Variants in BRIP1 observed in about 807,000 individuals in gnomAD.
BRIP1 encodes Fanconi anemia group J protein.
In BRIP1, 88 loss-of-function variants were observed where a neutral mutation model predicts 119.7. The observed-to-expected ratio is 0.74, with a 90% CI of 0.62 to 0.88. The LOEUF is 0.88. Ranked by LOEUF, BRIP1 falls within the 40% of genes least tolerant of loss-of-function variation. The pLI is 0.00. For missense variants in BRIP1, 1,259 were observed against 1,455.4 expected, an observed-to-expected ratio of 0.87 and a Z score of 2.20; for synonymous variants, 443 against 496.5, an observed-to-expected ratio of 0.89 and a Z score of 1.43.
At chr17:61,812,583 C>G (rs2078178968) in intron 6 of BRIP1, among the ~76,000 whole-genome samples, 3 of 151,314 alleles carry the variant, frequency 2.0e-5, no homozygotes, top group Admixed American at 1.3e-4. Context: ...ACCCAAGTAA[C>G]TGCAAAAATA....
In BRIP1 at chr17:61,760,301, A is replaced by G. The variant is rs568769036; in HGVS notation, c.2098-15710T>C. Among the ~76,000 whole-genome samples the G allele has an allele frequency of 1.5e-4, 23 of 152,142 alleles. No individual in the cohort carries two copies. In the East Asian group the frequency reaches 4.0e-3, roughly 27 times the overall value. ...AAAACTTAAGGGATGCAGCAAACGTAGTCCTAAGAGGAAAGTTTACAATAA... is the reference window on the plus strand; with the variant it reads ...AAAACTTAAGGGATGCAGCAAACGTGGTCCTAAGAGGAAAGTTTACAATAA... On this transcript the variant is annotated intron_variant, in intron 14 of 19. Coordinates refer to ENST00000259008, the MANE Select transcript of BRIP1 (RefSeq NM_032043.3). This position sits in a 1 kb window ranked among gnomAD's most constrained non-coding sequence, Gnocchi z 4.6.
rs927902616 is a variant in BRIP1 at position 61,774,236 on chromosome 17, C to T, written c.2097+2165G>A. Among the ~76,000 whole-genome samples the T allele has an allele frequency of 6.6e-6, 1 of 152,094 alleles. No individual in the cohort carries two copies. The highest frequency in any genetic ancestry group is 2.4e-5 in the African/African-American group (1 of 41,414). ...TTAAGAAAATGTGGCACATATACAC[C>T]ATAGAATACTATGCAGCCATAAAAA... On this transcript the variant is annotated intron_variant, in intron 14 of 19. Transcript: ENST00000259008. The surrounding 1 kb of genome is among the most constrained non-coding windows in gnomAD (Gnocchi z 5.8).
intron 6 of BRIP1, among the ~76,000 whole-genome samples, chr17:61,821,846 C>T (rs1014587358): frequency 1.3e-5 from 2 of 152,212 alleles, no homozygotes; most frequent in Non-Finnish European, 2.9e-5. Flanking sequence ...CCGTCTCAGC[C>T]TCCCAAGTAG....
Position 61,683,237 on chromosome 17 carries a change from AAC to A in BRIP1, c.*57_*58del. 11 of 1,521,862 alleles carry A rather than the reference AAC, an allele frequency of 7.2e-6. No homozygotes were observed. The highest frequency in any genetic ancestry group is 1.2e-5 in the South Asian group (1 of 84,288). 94.3% of individuals were successfully genotyped at this position (1,521,862 alleles called of 1,614,324 possible). A position where few individuals can be genotyped will look rare whatever the true frequency, so the allele number is the denominator to read the frequency against. On this transcript the variant is annotated 3_prime_UTR_variant, in exon 20 of 20. Coordinates refer to ENST00000259008, the MANE Select transcript of BRIP1 (RefSeq NM_032043.3). The surrounding 1 kb of genome is among the most constrained non-coding windows in gnomAD (Gnocchi z 4.7). ...ATTCAATTTACAAATTATTACTTACAACAGAGTTTAACATAAGCATGATGACA... is the reference window on the plus strand; with the variant it reads ...ATTCAATTTACAAATTATTACTTACAAGAGTTTAACATAAGCATGATGACA...
chr17:61,801,895 C>A (rs1010725041), intron 7 of BRIP1, among the ~76,000 whole-genome samples: 1 of 151,972 alleles, frequency 6.6e-6, no homozygotes, highest in African/African-American at 2.4e-5. Context: ...TCTCTGTAGA[C>A]CCTTTTGTAC....
At position 61,691,245 on chromosome 17, in the gene BRIP1, A is replaced by T. The variant is rs543710334; in HGVS notation, c.2575+2185T>A. 2.4e-3 allele frequency among the ~76,000 whole-genome samples: 371 copies of T among 152,084 alleles called. 1 individual carries two copies. Among genetic ancestry groups the T allele is most frequent in the South Asian group, 0.015 (73 of 4,820 alleles). On this transcript the variant is annotated intron_variant, in intron 18 of 19. Transcript: ENST00000259008. The surrounding 1 kb of genome is among the most constrained non-coding windows in gnomAD (Gnocchi z 5.0). ...GAACTTAAAGTATAATAATAAAAAT[A>T]AAAATTAAAATAAAAAAACTCAAAC... is the stretch of plus-strand genomic sequence containing the variant.
chr17:61,835,538 G>A (rs548511441), intron 6 of BRIP1, among the ~76,000 whole-genome samples: 8 of 152,098 alleles, frequency 5.3e-5, no homozygotes, highest in African/African-American at 1.9e-4. Context: ...AAATATGCAT[G>A]CTACTTCAAA....
At chr17:61,837,874 C>T (rs1183313113) in intron 6 of BRIP1, among the ~76,000 whole-genome samples, 1 of 151,900 alleles carries the variant, frequency 6.6e-6, no homozygotes, top group African/African-American at 2.4e-5. Flanking sequence ...ACACTATCTT[C>T]CGACTTGAAA....
At position 61,815,601 on chromosome 17, in the gene BRIP1, T is replaced by A. The variant is rs11870508; in HGVS notation, c.628-6844A>T. Reference sequence around the variant, plus strand: ...GGCTAAAATACTCAGTTCACTAATGTATATTTCTAACTTCATTTTACAGAT... The same window carrying A: ...GGCTAAAATACTCAGTTCACTAATGAATATTTCTAACTTCATTTTACAGAT... On this transcript the variant is annotated intron_variant, in intron 6 of 19. Coordinates refer to ENST00000259008, the MANE Select transcript of BRIP1 (RefSeq NM_032043.3). This position sits in a 1 kb window ranked among gnomAD's most constrained non-coding sequence, Gnocchi z 4.1. 6.6e-6 allele frequency among the ~76,000 whole-genome samples: 1 copy of A among 152,186 alleles called. No individual in the cohort carries two copies. The highest frequency in any genetic ancestry group is 1.5e-5 in the Non-Finnish European group (1 of 68,016).
At position 61,791,002 on chromosome 17, in the gene BRIP1, T is replaced by C. The variant is rs566014872; in HGVS notation, c.1473+2595A>G. Among the ~76,000 whole-genome samples the C allele has an allele frequency of 2.6e-5, 4 of 152,272 alleles. No individual in the cohort carries two copies. In the East Asian group the frequency reaches 5.8e-4, roughly 22 times the overall value. ...AAATATTATGAAAGATGTCACAATA[T>C]GGAAAAATTCTTACAATAGATACCA... is the stretch of plus-strand genomic sequence containing the variant. On this transcript the variant is annotated intron_variant, in intron 10 of 19. Transcript: ENST00000259008.
chr17:61,763,707 A>G (rs2077311048), intron 14 of BRIP1, among the ~76,000 whole-genome samples: 1 of 152,170 alleles, frequency 6.6e-6, no homozygotes, highest in Non-Finnish European at 1.5e-5. Flanking sequence ...ATATCTTAAA[A>G]TCGAAGGCTA....
At position 61,684,249 on chromosome 17, in the gene BRIP1, T is replaced by A. The variant is rs541659416; in HGVS notation, c.2906-109A>T. 1.4e-5 allele frequency: 17 copies of A among 1,251,008 alleles called. No individual in the cohort carries two copies. In the South Asian group the frequency reaches 1.9e-4, roughly 14 times the overall value. 77.5% of individuals were successfully genotyped at this position (1,251,008 alleles called of 1,614,324 possible). On this transcript the variant is annotated intron_variant, in intron 19 of 19. Coordinates refer to ENST00000259008, the MANE Select transcript of BRIP1 (RefSeq NM_032043.3). This position sits in a 1 kb window ranked among gnomAD's most constrained non-coding sequence, Gnocchi z 4.5. ...TACCTAAATAACTGTATAGGATACA[T>A]AACTTAGAGCCCCCAACGAATACTA...
intron 13 of BRIP1, among the ~76,000 whole-genome samples, chr17:61,777,664 T>TA (rs1266349829): frequency 6.6e-6 from 1 of 152,026 alleles, no homozygotes. Flanking sequence ...AGGATACAGA[T>TA]AAAGAGATGT....
In BRIP1 at chr17:61,693,392, G is replaced by A; in HGVS notation, c.2575+38C>T. The A allele has an allele frequency of 6.6e-7, 1 of 1,519,576 alleles. No homozygotes were observed. Among genetic ancestry groups the A allele is most frequent in the East Asian group, 2.3e-5 (1 of 44,348 alleles). The allele number at this position is 1,519,576 out of a possible 1,614,324, so 94.1% of individuals were successfully genotyped here. A position where few individuals can be genotyped will look rare whatever the true frequency, so the allele number is the denominator to read the frequency against. ...TCACCACAATAAAAATATGAAGATTGTTACTAGTTTTTACTCTAAGCCCAG... is the reference window on the plus strand; with the variant it reads ...TCACCACAATAAAAATATGAAGATTATTACTAGTTTTTACTCTAAGCCCAG... On this transcript the variant is annotated intron_variant, in intron 18 of 19. Coordinates refer to ENST00000259008, the MANE Select transcript of BRIP1 (RefSeq NM_032043.3). The surrounding 1 kb of genome is among the most constrained non-coding windows in gnomAD (Gnocchi z 4.2).
rs1483848663 is a variant in BRIP1 at position 61,726,576 on chromosome 17, A to C, written c.2380-10513T>G. On this transcript the variant is annotated intron_variant, in intron 16 of 19. Coordinates refer to ENST00000259008, the MANE Select transcript of BRIP1 (RefSeq NM_032043.3). The surrounding 1 kb of genome is among the most constrained non-coding windows in gnomAD (Gnocchi z 6.2). Reference sequence around the variant, plus strand: ...GCACATAACTTTAGGTGACTTAAAAAGTAAGTTTCTTGGGTTCTTGGAGTG... The same window carrying C: ...GCACATAACTTTAGGTGACTTAAAACGTAAGTTTCTTGGGTTCTTGGAGTG... 6.6e-6 allele frequency among the ~76,000 whole-genome samples: 1 copy of C among 152,250 alleles called. No homozygotes were observed. Among genetic ancestry groups the C allele is most frequent in the Non-Finnish European group, 1.5e-5 (1 of 68,052 alleles).
chr17:61,681,566 G>T lies in BRIP1; in HGVS notation c.*1730C>A, dbSNP rs1359614809. 9.8e-6 allele frequency: 2 copies of T among 204,446 alleles called. No individual in the cohort carries two copies. The highest frequency in any genetic ancestry group is 2.3e-5 in the African/African-American group (1 of 43,680). The allele number at this position is 204,446 out of a possible 1,614,324, so 12.7% of individuals were successfully genotyped here. A position where few individuals can be genotyped will look rare whatever the true frequency, so the allele number is the denominator to read the frequency against. On this transcript the variant is annotated 3_prime_UTR_variant, in exon 20 of 20. Transcript: ENST00000259008. This position sits in a 1 kb window ranked among gnomAD's most constrained non-coding sequence, Gnocchi z 5.1. The stretch of plus-strand genomic sequence containing the variant: ...CCTACTATCCCTATCTGTGGTTTAA[G>T]AATAATACCAGAGGAGATAAATTGT...
Position 61,843,995 on chromosome 17 carries a change from G to C in BRIP1, c.627+3106C>G, listed in dbSNP as rs764694628. Among the ~76,000 whole-genome samples the C allele has an allele frequency of 1.3e-4, 20 of 151,826 alleles. No homozygotes were observed. The highest frequency in any genetic ancestry group is 2.6e-4 in the Admixed American group (4 of 15,248). ...ACTGGAGTACAGTGGTTCAATCATA[G>C]TTCAATACAGCCTCAATCTTCTGGC... On this transcript the variant is annotated intron_variant, in intron 6 of 19. Transcript: ENST00000259008. This position sits in a 1 kb window ranked among gnomAD's most constrained non-coding sequence, Gnocchi z 5.7.
chr17:61,780,714 A>C lies in BRIP1; in HGVS notation c.1794+126T>G. 8.4e-7 allele frequency: 1 copy of C among 1,189,756 alleles called. No homozygotes were observed. Among genetic ancestry groups the C allele is most frequent in the Non-Finnish European group, 1.2e-6 (1 of 809,786 alleles). 73.7% of individuals were successfully genotyped at this position (1,189,756 alleles called of 1,614,324 possible). On this transcript the variant is annotated intron_variant, in intron 12 of 19. Coordinates refer to ENST00000259008, the MANE Select transcript of BRIP1 (RefSeq NM_032043.3). The surrounding 1 kb of genome is among the most constrained non-coding windows in gnomAD (Gnocchi z 5.4). ...CTGCACTCCAGCCTGGGTGAAGAGC[A>C]AGACCCTGCCTCAAAACAACAACAA...
At position 61,744,380 on chromosome 17, in the gene BRIP1, A is replaced by C; in HGVS notation, c.2257+52T>G. 6.4e-7 allele frequency: 1 copy of C among 1,556,428 alleles called. No individual in the cohort carries two copies. The highest frequency in any genetic ancestry group is 8.9e-7 in the Non-Finnish European group (1 of 1,128,522). ...TATAAAATTATAATTGTACCTTCTT[A>C]CTTTGTAATAAAAAATATTTTTTCA... On this transcript the variant is annotated intron_variant, in intron 15 of 19. Coordinates refer to ENST00000259008, the MANE Select transcript of BRIP1 (RefSeq NM_032043.3). This position sits in a 1 kb window ranked among gnomAD's most constrained non-coding sequence, Gnocchi z 5.0.
Sources: allele counts gnomAD v4.1 joint callset (sites outside exome capture counted in the v4.1 genomes callset), GRCh38; gene constraint gnomAD v4.1.1; non-coding constraint Gnocchi (gnomAD v3.1); transcripts MANE v1.5; gene names NCBI Gene and HGNC (gene_info 2026-07-23, HGNC 2026-07-21).